The following LRMDA variants were observed in gnomAD, a reference collection of about 807,000 sequenced individuals.
The protein encoded by LRMDA is leucine rich melanocyte differentiation associated.
In LRMDA, 18 loss-of-function variants were observed where a neutral mutation model predicts 29.8. That is an observed-to-expected ratio of 0.60 (90% CI 0.42 to 0.90). The LOEUF (loss-of-function observed/expected upper bound fraction) is 0.90, where lower values mean the gene tolerates loss of function less well. Ranked by LOEUF, LRMDA falls within the 40% of genes least tolerant of loss-of-function variation. The probability of loss-of-function intolerance (pLI) is 0.00; values close to 1 mark genes in which losing one functional copy is unlikely to be tolerated. For missense variants in LRMDA, 273 were observed against 273.9 expected (o/e 1.00, Z 0.02); for synonymous variants, 125 against 109.4 (o/e 1.14, Z -0.89).
At chr10:76,332,133 T>A (rs571170778) in intron 6 of LRMDA, among the ~76,000 whole-genome samples, 1 of 152,292 alleles carries the variant, frequency 6.6e-6, no homozygotes, top group East Asian at 1.9e-4. Context: ...TGGATTGGAA[T>A]GGAGGGTAGT....
intron 2 of LRMDA, among the ~76,000 whole-genome samples, chr10:75,761,610 A>G (rs1210838971): frequency 6.6e-6 from 1 of 152,160 alleles, no homozygotes; most frequent in Non-Finnish European, 1.5e-5. Flanking sequence ...GAAATGGATA[A>G]TAGTGATAGT....
intron 2 of LRMDA, among the ~76,000 whole-genome samples, chr10:75,828,147 G>C (rs1844277926): frequency 6.6e-6 from 1 of 152,126 alleles, no homozygotes; most frequent in Admixed American, 6.6e-5. Context: ...TTTATGTTTG[G>C]TTTGAGAGGA....
At chr10:76,328,335 C>T (rs1362964876) in intron 6 of LRMDA, among the ~76,000 whole-genome samples, 1 of 152,164 alleles carries the variant, frequency 6.6e-6, no homozygotes, top group Non-Finnish European at 1.5e-5. Context: ...CACATTTGTA[C>T]AGGGCATTAT....
chr10:75,513,885 A>G (rs1032445072), intron 2 of LRMDA, among the ~76,000 whole-genome samples: 2 of 152,122 alleles, frequency 1.3e-5, no homozygotes, highest in Non-Finnish European at 2.9e-5. Flanking sequence ...TCACATAATC[A>G]CAGGCTTCAG....
chr10:75,872,907 A>G (rs190138072), intron 2 of LRMDA, among the ~76,000 whole-genome samples: 1 of 152,270 alleles, frequency 6.6e-6, no homozygotes, highest in Non-Finnish European at 1.5e-5. Context: ...AGAGACAATA[A>G]GTGTATTCAG....
intron 6 of LRMDA, among the ~76,000 whole-genome samples, chr10:76,454,381 T>C (rs890354952): frequency 2.0e-5 from 3 of 152,162 alleles, no homozygotes; most frequent in African/African-American, 7.2e-5. Flanking sequence ...CTTTTGTTGT[T>C]TAATGCAGAC....
chr10:76,250,645 A>G (rs1852461705), intron 5 of LRMDA, among the ~76,000 whole-genome samples: 1 of 152,226 alleles, frequency 6.6e-6, no homozygotes, highest in African/African-American at 2.4e-5. Flanking sequence ...CTTTCTGATG[A>G]ATAAGTATTA....
intron 5 of LRMDA, among the ~76,000 whole-genome samples, chr10:76,299,186 T>TGC (rs1202608194): frequency 6.0e-5 from 9 of 151,122 alleles, no homozygotes; most frequent in African/African-American, 1.7e-4. Flanking sequence ...TGTGTGTGTG[T>TGC]GTGCATGCAC....
rs578054010 is a variant in LRMDA at position 76,148,597 on chromosome 10, T to G, written c.516+89814T>G. Among the ~76,000 whole-genome samples the G allele has an allele frequency of 2.2e-4, 33 of 152,270 alleles. No homozygotes were observed. The East Asian group carries it at 4.6e-3, about 21-fold the overall frequency. ...TTTCTAGGTGCCATCTGTCACCCCT[T>G]TCTTTGACTAGGAAAGGGAATTCCC... is the stretch of plus-strand genomic sequence containing the variant. On this transcript the variant is annotated intron_variant, in intron 5 of 6. Coordinates refer to ENST00000611255, the MANE Select transcript of LRMDA (RefSeq NM_001305581.2).
intron 6 of LRMDA, among the ~76,000 whole-genome samples, chr10:76,554,483 T>A (rs1228254743): frequency 6.6e-6 from 1 of 152,224 alleles, no homozygotes; most frequent in African/African-American, 2.4e-5. Context: ...TGTCAAGAGA[T>A]CATTGACAAT....
At chr10:76,281,383 A>G (rs1840202308) in intron 5 of LRMDA, among the ~76,000 whole-genome samples, 1 of 152,310 alleles carries the variant, frequency 6.6e-6, no homozygotes, top group South Asian at 2.1e-4. Context: ...ATTGTTAAAG[A>G]TAGACTGGGA....
At chr10:75,835,007 G>C (rs1002832020) in intron 2 of LRMDA, among the ~76,000 whole-genome samples, 2 of 152,156 alleles carry the variant, frequency 1.3e-5, no homozygotes, top group African/African-American at 4.8e-5. Context: ...CACTTCTACT[G>C]TTTTAGATAT....
chr10:75,676,662 T>C (rs181106857), intron 2 of LRMDA, among the ~76,000 whole-genome samples: 1 of 152,328 alleles, frequency 6.6e-6, no homozygotes, highest in East Asian at 1.9e-4. Context: ...ACACTTCTGC[T>C]TGCTCTGGCC....
chr10:75,740,556 A>G (rs1842816731), intron 2 of LRMDA, among the ~76,000 whole-genome samples: 1 of 152,194 alleles, frequency 6.6e-6, no homozygotes, highest in Non-Finnish European at 1.5e-5. Flanking sequence ...GCAGCCACTA[A>G]GAAGTGCTAG....
chr10:76,138,107 A>C (rs1850130950), intron 5 of LRMDA, among the ~76,000 whole-genome samples: 1 of 152,194 alleles, frequency 6.6e-6, no homozygotes, highest in Non-Finnish European at 1.5e-5. Flanking sequence ...GGGATTAAAA[A>C]ATTATGGCTG....
chr10:75,904,768 C>T (rs141056774), intron 2 of LRMDA, among the ~76,000 whole-genome samples: 660 of 152,244 alleles, frequency 4.3e-3, no homozygotes, highest in South Asian at 8.3e-3. Context: ...CTAATTATGA[C>T]GAGAAAGCTA....
intron 2 of LRMDA, among the ~76,000 whole-genome samples, chr10:75,705,137 G>A (rs1842351175): frequency 6.6e-6 from 1 of 152,222 alleles, no homozygotes; most frequent in African/African-American, 2.4e-5. Flanking sequence ...ACGAGACACA[G>A]TGTGTTATTT....
At chr10:76,058,255 G>A (rs1848647153) in intron 4 of LRMDA, among the ~76,000 whole-genome samples, 2 of 152,178 alleles carry the variant, frequency 1.3e-5, no homozygotes, top group Admixed American at 1.3e-4. Context: ...TGATACAGAT[G>A]ACCCATAGGA....
chr10:76,327,074 G>A (rs936346750), intron 6 of LRMDA, among the ~76,000 whole-genome samples: 3 of 149,368 alleles, frequency 2.0e-5, no homozygotes, highest in African/African-American at 7.4e-5. Context: ...CTGAGAGGCA[G>A]CAGTAAGTCC....
Sources: allele counts gnomAD v4.1 joint callset (sites outside exome capture counted in the v4.1 genomes callset), GRCh38; gene constraint gnomAD v4.1.1; transcripts MANE v1.5; gene names NCBI Gene and HGNC (gene_info 2026-07-23, HGNC 2026-07-21).